LPP: variants seen among roughly 807,000 people sequenced by gnomAD.
LPP encodes LIM domain containing preferred translocation partner in lipoma.
LPP carries 38 observed loss-of-function variants against 60.4 expected under a neutral mutation model. That is an observed-to-expected ratio of 0.63 (90% confidence interval 0.49 to 0.83). The LOEUF is 0.83. Among genes scored for constraint, LPP ranks in the 40% least tolerant of loss-of-function variants. The pLI, the probability that LPP is intolerant of heterozygous loss-of-function variation, is 0.00. For missense variants in LPP, 902 were observed against 783.6 expected, an observed-to-expected ratio of 1.15 and a Z score of -1.80; for synonymous variants, 328 against 290.8, an observed-to-expected ratio of 1.13 and a Z score of -1.30.
At chr3:188,840,198 G>A (rs1172074646) in intron 9 of LPP, among the ~76,000 whole-genome samples, 1 of 151,998 alleles carries the variant, frequency 6.6e-6, no homozygotes, top group Non-Finnish European at 1.5e-5. Flanking sequence ...TCCAGCTATT[G>A]ATGAGGTCAG....
At chr3:188,872,802 C>G (rs1292812831) in intron 11 of LPP, 39 bp downstream of exon 11, 1 of 1,612,722 alleles carries the variant, frequency 6.2e-7, no homozygotes, top group Non-Finnish European at 8.5e-7. Context: ...CTGTGGCAGG[C>G]GTTGAAAGGC....
chr3:188,365,502 A>G (rs1464235713), intron 3 of LPP, among the ~76,000 whole-genome samples: 2 of 152,148 alleles, frequency 1.3e-5, no homozygotes, highest in African/African-American at 2.4e-5. Flanking sequence ...ATTACATGTC[A>G]TGACTGTAGA....
intron 1 of LPP, among the ~76,000 whole-genome samples, chr3:188,200,974 A>G (rs1019482485): frequency 3.9e-5 from 6 of 152,194 alleles, no homozygotes; most frequent in African/African-American, 1.2e-4. Flanking sequence ...TAATACCCTG[A>G]AAAAACAGGC....
At chr3:188,750,805 T>C (rs1727833322) in intron 8 of LPP, among the ~76,000 whole-genome samples, 2 of 152,190 alleles carry the variant, frequency 1.3e-5, no homozygotes, top group South Asian at 4.1e-4. Flanking sequence ...CTCCCATTTA[T>C]GTCTTGGTGT....
rs941417430 is a variant in LPP, at chr3:188,612,667, A to T, written c.1113+2823A>T. ...TTCCACTCGCTTTCATTTATTTTTA[A>T]TTTTTTTTAGTCACTGATGGAAAAC... On this transcript the variant is annotated intron_variant, in intron 7 of 11. Coordinates refer to ENST00000617246, the MANE Select transcript of LPP (RefSeq NM_001375462.1). Among the ~76,000 whole-genome samples, 68 of 152,020 alleles carry T rather than the reference A, an allele frequency of 4.5e-4. 1 individual carries two copies. Among genetic ancestry groups the T allele is most frequent in the African/African-American group, 1.6e-3 (65 of 41,390 alleles).
chr3:188,877,931 G>C lies in LPP; in HGVS notation c.*3452G>C, dbSNP rs1769440593. On this transcript the variant is annotated 3_prime_UTR_variant, in exon 12 of 12. Transcript: ENST00000617246. ...CTTTTCTGGGTATGTGCTGATTAAG[G>C]GGGTGGACTTATCAACACTATAATT... is the stretch of plus-strand genomic sequence containing the variant. 4.7e-6 allele frequency: 1 copy of C among 214,356 alleles called. No homozygotes were observed. The allele number at this position is 214,356 out of a possible 1,614,324, so 13.3% of individuals were successfully genotyped here.
At chr3:188,287,061 T>C (rs574479434) in intron 2 of LPP, among the ~76,000 whole-genome samples, 17 of 152,120 alleles carry the variant, frequency 1.1e-4, no homozygotes, top group Admixed American at 2.0e-4. Flanking sequence ...TCACCACACC[T>C]GGCTAATTTT....
chr3:188,216,153 C>G (rs563239155), intron 1 of LPP, among the ~76,000 whole-genome samples: 1 of 152,032 alleles, frequency 6.6e-6, no homozygotes, highest in Non-Finnish European at 1.5e-5. Flanking sequence ...TGGAACAAGG[C>G]AGAATATATA....
chr3:188,362,508 G>A (rs7629039), intron 3 of LPP, among the ~76,000 whole-genome samples: 152,049 of 152,342 alleles, frequency 1, 75,878 homozygotes, highest in Non-Finnish European at 1. Flanking sequence ...CTTGTTTCCT[G>A]ATACTTTTAC....
chr3:188,818,738 C>T (rs1321440670), intron 9 of LPP, among the ~76,000 whole-genome samples: 2 of 152,122 alleles, frequency 1.3e-5, no homozygotes, highest in East Asian at 1.9e-4. Context: ...CTCTCCGAGG[C>T]TCAGTTTCTT....
At chr3:188,253,587 A>G (rs182938182) in intron 2 of LPP, among the ~76,000 whole-genome samples, 1 of 152,324 alleles carries the variant, frequency 6.6e-6, no homozygotes, top group African/African-American at 2.4e-5. Flanking sequence ...TAAACAGTGG[A>G]ACAGGGTAGT....
intron 4 of LPP, among the ~76,000 whole-genome samples, chr3:188,441,074 T>C: frequency 6.6e-6 from 1 of 151,992 alleles, no homozygotes; most frequent in East Asian, 1.9e-4. Context: ...GATATATGGA[T>C]TGATTTCTTT....
intron 8 of LPP, chr3:188,708,622 C>T (rs1865952890): frequency 1.7e-6 from 1 of 573,482 alleles, no homozygotes. Context: ...CTTAGAGTTT[C>T]CTTAGATACA....
chr3:188,407,802 T>G (rs1395280317), intron 4 of LPP, among the ~76,000 whole-genome samples: 3 of 142,280 alleles, frequency 2.1e-5, no homozygotes, highest in South Asian at 2.3e-4. Context: ...TTTTTTTTTT[T>G]TTTTTGAGAT....
At chr3:188,244,186 G>A (rs1479483995) in intron 2 of LPP, among the ~76,000 whole-genome samples, 1 of 152,196 alleles carries the variant, frequency 6.6e-6, no homozygotes, top group African/African-American at 2.4e-5. Context: ...ACAATTGTAG[G>A]AAGGCTGAGA....
intron 7 of LPP, among the ~76,000 whole-genome samples, chr3:188,704,286 GA>G (rs1202577566): frequency 6.6e-6 from 1 of 152,084 alleles, no homozygotes; most frequent in Non-Finnish European, 1.5e-5. Flanking sequence ...GAGATTCAAA[GA>G]GATCCTCTTT....
At chr3:188,482,418 T>C (rs1805064967) in intron 4 of LPP, among the ~76,000 whole-genome samples, 1 of 152,166 alleles carries the variant, frequency 6.6e-6, no homozygotes, top group Non-Finnish European at 1.5e-5. Flanking sequence ...ATATGACCTT[T>C]AAAGGCAGTA....
chr3:188,203,266 TA>T (rs1268721282), intron 1 of LPP, among the ~76,000 whole-genome samples: 1 of 123,062 alleles, frequency 8.1e-6, no homozygotes, highest in Non-Finnish European at 1.6e-5. Flanking sequence ...TAGTAAAATA[TA>T]TAATATATAA....
intron 1 of LPP, among the ~76,000 whole-genome samples, chr3:188,210,905 G>A (rs1383494578): frequency 6.6e-6 from 1 of 152,128 alleles, no homozygotes; most frequent in African/African-American, 2.4e-5. Flanking sequence ...GCTGAGGAGG[G>A]TTGCAATGGC....
Sources: gnomAD v4.1 joint callset for allele counts (sites outside exome capture counted in the v4.1 genomes callset) on GRCh38, gnomAD v4.1.1 for gene constraint, MANE v1.5 for transcripts, NCBI Gene and HGNC (gene_info 2026-07-23, HGNC 2026-07-21) for gene names.